PADI4: variants seen among roughly 807,000 people sequenced by gnomAD.
PADI4 encodes the protein peptidyl arginine deiminase 4, also known as protein-arginine deiminase type-4.
A neutral mutation model predicts 75.0 loss-of-function variants in PADI4; 62 were observed. The observed-to-expected ratio is 0.83, with a 90% CI of 0.67 to 1.02. The LOEUF (loss-of-function observed/expected upper bound fraction) is 1.02. Ranked by LOEUF, PADI4 falls within the 50% of genes least tolerant of loss-of-function variation. PADI4 has a pLI of 0.00. For synonymous variants in PADI4, 361 were observed against 348.1 expected (o/e 1.04, Z -0.41); for missense variants, 845 against 850.5 (o/e 0.99, Z 0.08).
chr1:17,318,880 G>T (rs548774999), intron 1 of PADI4, among the ~76,000 whole-genome samples: 2 of 151,900 alleles, frequency 1.3e-5, no homozygotes, highest in Non-Finnish European at 2.9e-5. Context: ...AATAGAGATG[G>T]GGTTTCACCA....
rs1255501549 is a variant in PADI4, at chr1:17,354,682, T to C, written c.1305T>C (p.Tyr435=). 6.2e-7 allele frequency: 1 copy of C among 1,603,630 alleles called. No individual in the cohort carries two copies. The highest frequency in any genetic ancestry group is 8.5e-7 in the Non-Finnish European group (1 of 1,173,916). ...LGRILFGDSC[Y]PSNDSRQMHQ... ...GGATTCTCTTCGGGGACAGCTGTTA[T>C]CCCAGGTAAGGAGGGGAGTAACAGG... The change falls in exon 11 of 16, where the codon TAT becomes TAC. Residue 435 remains tyrosine (Y), a synonymous_variant. Coordinates refer to ENST00000375448, the MANE Select transcript of PADI4 (RefSeq NM_012387.3).
At position 17,341,587 on chromosome 1, in the gene PADI4, G is replaced by A. The variant is rs559187571; in HGVS notation, c.653-356G>A. The stretch of plus-strand genomic sequence containing the variant: ...GTGCACTCTCTGGGGGTGAGGATAG[G>A]AGGACAGTGACTCTGTCTCCCTGGT... On this transcript the variant is annotated intron_variant, in intron 6 of 15. Coordinates refer to ENST00000375448, the MANE Select transcript of PADI4 (RefSeq NM_012387.3). Among the ~76,000 whole-genome samples the A allele has an allele frequency of 1.1e-4, 16 of 152,310 alleles. No homozygotes were observed. The East Asian group carries it at 1.7e-3, about 17-fold the overall frequency.
intron 11 of PADI4, among the ~76,000 whole-genome samples, chr1:17,355,757 G>A (rs955815797): frequency 1.3e-5 from 2 of 152,192 alleles, no homozygotes; most frequent in South Asian, 2.1e-4. Context: ...GCTAAGCTCT[G>A]TTCTACTTAC....
In PADI4 at chr1:17,359,298, C is replaced by CGCG; in HGVS notation, c.1649_1651dup (p.Arg550_Glu551insGly). On this transcript the variant is annotated inframe_insertion, in exon 15 of 16. Transcript: ENST00000375448. ...CCCCAAGAGATGCATCGACTGGAAC[C>CGCG]GCGAGCTGCTGAAGCGGGAGCTGGG... is the stretch of plus-strand genomic sequence containing the variant. 5 of 1,612,060 alleles carry CGCG rather than the reference C, an allele frequency of 3.1e-6. No homozygotes were observed. Among genetic ancestry groups the CGCG allele is most frequent in the Non-Finnish European group, 4.2e-6 (5 of 1,179,168 alleles).
chr1:17,352,283 G>A (rs1332550759), intron 10 of PADI4, among the ~76,000 whole-genome samples: 2 of 151,080 alleles, frequency 1.3e-5, no homozygotes, highest in Non-Finnish European at 1.5e-5. Context: ...GAGATGGGGG[G>A]CAGTAGAAGA....
In PADI4 at chr1:17,359,367, C is replaced by T; in HGVS notation, c.1717C>T (p.Leu573Phe). The T allele has an allele frequency of 6.2e-7, 1 of 1,614,124 alleles. No individual in the cohort carries two copies. The highest frequency in any genetic ancestry group is 8.5e-7 in the Non-Finnish European group (1 of 1,180,006). ...DIIDIPQLFK[L>F]KEFSKAEAFF... Reference sequence around the variant, plus strand: ...CATTGACATCCCGCAGCTCTTCAAGCTCAAAGAGTTCTCTAAGGCGGAAGC... The same window carrying T: ...CATTGACATCCCGCAGCTCTTCAAGTTCAAAGAGTTCTCTAAGGCGGAAGC... Residue 573 changes from leucine (L) to phenylalanine (F), a missense_variant, in exon 15 of 16, where the codon CTC (leucine) becomes TTC (phenylalanine). By Grantham distance (22) the Leu-to-Phe change is conservative. Coordinates refer to ENST00000375448, the MANE Select transcript of PADI4 (RefSeq NM_012387.3).
intron 14 of PADI4, 63 bp from the exon 15 acceptor site, chr1:17,359,217 T>TGCCCCCCCCCC: frequency 6.8e-5 from 44 of 647,702 alleles, no homozygotes; most frequent in East Asian, 9.1e-5. Flanking sequence ...CCCCACACTG[T>TGCCCCCCCCCC]CCCCCACCCC....
At chr1:17,329,591 C>T (rs1022295685) in intron 1 of PADI4, among the ~76,000 whole-genome samples, 1 of 151,880 alleles carries the variant, frequency 6.6e-6, no homozygotes, top group Non-Finnish European at 1.5e-5. Flanking sequence ...GTTGAGTAGG[C>T]TGAGGAGGAA....
rs2074884346 is a variant in PADI4 at position 17,363,900 on chromosome 1, G to GTCCCAGTTTCCCACTCTGAAGA, written c.*151_*172dup. 2 of 604,984 alleles carry GTCCCAGTTTCCCACTCTGAAGA rather than the reference G, an allele frequency of 3.3e-6. No individual in the cohort carries two copies. Among genetic ancestry groups the GTCCCAGTTTCCCACTCTGAAGA allele is most frequent in the Non-Finnish European group, 3.0e-6 (1 of 334,088 alleles). 37.5% of individuals were successfully genotyped at this position (604,984 alleles called of 1,614,324 possible). On this transcript the variant is annotated 3_prime_UTR_variant, in exon 16 of 16. Transcript: ENST00000375448. Reference sequence around the variant, plus strand: ...GTGGCTTGCTTTCTTCTCCTGTGATGTCCCAGTTTCCCACTCTGAAGATCC... The same window carrying GTCCCAGTTTCCCACTCTGAAGA: ...GTGGCTTGCTTTCTTCTCCTGTGATGTCCCAGTTTCCCACTCTGAAGATCCCAGTTTCCCACTCTGAAGATCC...
intron 3 of PADI4, chr1:17,334,633 AT>A (rs2100714457): frequency 2.2e-6 from 1 of 455,828 alleles, no homozygotes; most frequent in East Asian, 7.0e-5. Flanking sequence ...TCAAATATCT[AT>A]AACAAAAAGT....
chr1:17,352,456 T>C (rs1570086565), intron 10 of PADI4, among the ~76,000 whole-genome samples: 3 of 152,052 alleles, frequency 2.0e-5, no homozygotes, highest in Admixed American at 6.5e-5. Flanking sequence ...AGCCCTGCTA[T>C]GTGTTGTTGA....
chr1:17,362,957 G>A (rs1187433542), intron 15 of PADI4, among the ~76,000 whole-genome samples: 1 of 152,100 alleles, frequency 6.6e-6, no homozygotes, highest in Non-Finnish European at 1.5e-5. Context: ...CTCCCAAGTA[G>A]CTGGGATTAC....
chr1:17,336,170 T>C lies in PADI4; in HGVS notation c.352T>C (p.Cys118Arg), dbSNP rs2074306355. 1 of 1,612,846 alleles carries C rather than the reference T, an allele frequency of 6.2e-7. No homozygotes were observed. The highest frequency in any genetic ancestry group is 1.1e-5 in the South Asian group (1 of 91,064). ...LYLTGVEISL[C>R]ADITRTGKVK... ...TGATGGGATTTCAGAAATCTCCTTG[T>C]GCGCAGACATCACCCGCACCGGCAA... is the stretch of plus-strand genomic sequence containing the variant. The change falls in exon 4 of 16, where the codon TGC becomes CGC. Residue 118 changes from cysteine to arginine, a missense_variant. Cys to Arg is a radical substitution (Grantham distance 180). Coordinates refer to ENST00000375448, the MANE Select transcript of PADI4 (RefSeq NM_012387.3).
At chr1:17,320,275 CTTTG>C (rs2074011686) in intron 1 of PADI4, among the ~76,000 whole-genome samples, 1 of 151,898 alleles carries the variant, frequency 6.6e-6, no homozygotes, top group Admixed American at 6.6e-5. Context: ...TTATAAAGAC[CTTTG>C]TATTACTGGA....
At chr1:17,318,777 C>T (rs1188689127) in intron 1 of PADI4, among the ~76,000 whole-genome samples, 8 of 151,760 alleles carry the variant, frequency 5.3e-5, no homozygotes, top group Non-Finnish European at 1.2e-4. Flanking sequence ...ACTCCGCCTC[C>T]CGGGTTCATG....
Position 17,347,928 on chromosome 1 carries a change from C to G in PADI4, c.1048-13C>G. 6.6e-7 allele frequency: 1 copy of G among 1,516,786 alleles called. No homozygotes were observed. The highest frequency in any genetic ancestry group is 1.9e-5 in the Admixed American group (1 of 53,592). The allele number at this position is 1,516,786 out of a possible 1,614,324, so 94.0% of individuals were successfully genotyped here. On this transcript the variant is annotated splice_polypyrimidine_tract_variant and intron_variant, in intron 9 of 15. Transcript: ENST00000375448. ...AGCACGCGCAACAGCCTCCTCTCCA[C>G]TCACTCCCACAGGATGAAATGGAGA...
chr1:17,339,814 G>A lies in PADI4; in HGVS notation c.652+1G>A, dbSNP rs145994637. 8.3e-5 allele frequency: 133 copies of A among 1,599,524 alleles called. 1 individual carries two copies. The highest frequency in any genetic ancestry group is 4.4e-4 in the African/African-American group (33 of 74,682). ...AAAGTGAGGGTGTTTCAGGCCACAC[G>A]TAAGTCATCCCCATCTTTGTTCCCC... On this transcript the variant is annotated splice_donor_variant, in intron 6 of 15. Transcript: ENST00000375448. LOFTEE classifies it high-confidence loss of function.
At chr1:17,311,518 C>CCTT (rs1233077641) in intron 1 of PADI4, among the ~76,000 whole-genome samples, 3 of 139,630 alleles carry the variant, frequency 2.1e-5, no homozygotes, top group Non-Finnish European at 4.7e-5. Flanking sequence ...CCCAAAGTCT[C>CCTT]CTTCTTCTTT....
At chr1:17,357,542 A>C (rs1276172511) in intron 13 of PADI4, among the ~76,000 whole-genome samples, 1 of 152,188 alleles carries the variant, frequency 6.6e-6, no homozygotes, top group African/African-American at 2.4e-5. Flanking sequence ...GATTCCATCC[A>C]TTCACTATAC....
Sources: gnomAD v4.1 joint callset for allele counts (sites outside exome capture counted in the v4.1 genomes callset) on GRCh38, gnomAD v4.1.1 for gene constraint, MANE v1.5 for transcripts, NCBI Gene and HGNC (gene_info 2026-07-23, HGNC 2026-07-21) for gene names.